The following SGCG variants were observed in gnomAD, a reference collection of about 807,000 sequenced individuals.
SGCG encodes the protein sarcoglycan gamma.
Under a neutral mutation model 29.3 loss-of-function variants are expected in SGCG, and 26 were observed. The ratio of observed to expected loss-of-function variants is 0.89; its 90% CI spans 0.65 to 1.23. The LOEUF is 1.23. Among genes scored for constraint, SGCG ranks in the 50% most tolerant of loss-of-function variants. The pLI is 0.00. For synonymous variants in SGCG, 145 were observed against 129.7 expected, an observed-to-expected ratio of 1.12 and a Z score of -0.80; for missense variants, 353 against 356.0, an observed-to-expected ratio of 0.99 and a Z score of 0.07.
chr13:23,224,636 C>A (rs1023556012), intron 2 of SGCG, among the ~76,000 whole-genome samples: 1 of 139,758 alleles, frequency 7.2e-6, no homozygotes, highest in Non-Finnish European at 1.6e-5. Flanking sequence ...CCCACCAACC[C>A]CAAATTCCAA....
At chr13:23,239,295 T>C (rs1190570490) in intron 3 of SGCG, among the ~76,000 whole-genome samples, 1 of 152,040 alleles carries the variant, frequency 6.6e-6, no homozygotes, top group Non-Finnish European at 1.5e-5. Context: ...GTCAGTAACA[T>C]TTAAAGCCAG....
At chr13:23,161,873 A>G in the SGCG span, among the ~76,000 whole-genome samples, 1 of 152,376 alleles carries the variant, frequency 6.6e-6, no homozygotes, top group South Asian at 2.1e-4. Context: ...CACAATATTT[A>G]GTGGATGTTA....
the SGCG span, among the ~76,000 whole-genome samples, chr13:23,167,456 A>G: frequency 6.6e-6 from 1 of 152,134 alleles, no homozygotes; most frequent in African/African-American, 2.4e-5. Flanking sequence ...TAGTAGCTCT[A>G]TTTTTAGTCT....
chr13:23,315,564 A>G (rs1882774344), intron 6 of SGCG, among the ~76,000 whole-genome samples: 2 of 144,936 alleles, frequency 1.4e-5, no homozygotes, highest in South Asian at 4.3e-4. Context: ...TATGATATGC[A>G]GGCACCACCC....
chr13:23,219,970 G>A (rs1456930323), intron 2 of SGCG, among the ~76,000 whole-genome samples: 1 of 150,710 alleles, frequency 6.6e-6, no homozygotes, highest in African/African-American at 2.4e-5. Flanking sequence ...CAAGTAGTGG[G>A]ACTGCAAGGT....
chr13:23,245,837 C>T (rs1243248762), intron 3 of SGCG: 1 of 152,218 alleles, frequency 6.6e-6, no homozygotes, highest in African/African-American at 2.4e-5. Context: ...GAGCGCCCCT[C>T]TTTAGGGTGT....
chr13:23,183,816 T>TA (rs1876849222), intron 1 of SGCG, among the ~76,000 whole-genome samples: 2 of 152,014 alleles, frequency 1.3e-5, no homozygotes, highest in African/African-American at 2.4e-5. Context: ...TACAGGCATA[T>TA]GCCACCATGC....
chr13:23,244,923 G>C (rs543764051), intron 3 of SGCG: 1 of 152,358 alleles, frequency 6.6e-6, no homozygotes, highest in Admixed American at 6.5e-5. Context: ...CACTGGAGTG[G>C]CACTTAGGTA....
intron 6 of SGCG, among the ~76,000 whole-genome samples, chr13:23,301,134 T>C (rs1435931663): frequency 1.3e-5 from 2 of 151,988 alleles, no homozygotes; most frequent in Non-Finnish European, 2.9e-5. Flanking sequence ...GGAATTGAAC[T>C]ACCATGGAGA....
At chr13:23,167,922 G>A in the SGCG span, among the ~76,000 whole-genome samples, 19 of 151,984 alleles carry the variant, frequency 1.3e-4, no homozygotes, top group Admixed American at 2.0e-4. Context: ...TAGTAGAGAC[G>A]AGGTTTCACC....
At chr13:23,212,550 T>C (rs1277262974) in intron 2 of SGCG, among the ~76,000 whole-genome samples, 1 of 152,222 alleles carries the variant, frequency 6.6e-6, no homozygotes, top group East Asian at 1.9e-4. Flanking sequence ...TGTTGTTATA[T>C]GATTTTAGCA....
At chr13:23,321,120 C>T (rs1883025754) in intron 7 of SGCG, among the ~76,000 whole-genome samples, 1 of 152,060 alleles carries the variant, frequency 6.6e-6, no homozygotes, top group South Asian at 2.1e-4. Context: ...AGGAGTCACC[C>T]ACTAACAACC....
At chr13:23,293,898 A>G (rs1019983649) in intron 5 of SGCG, among the ~76,000 whole-genome samples, 1 of 152,076 alleles carries the variant, frequency 6.6e-6, no homozygotes, top group East Asian at 1.9e-4. Context: ...GGATTTCTCA[A>G]CACAGAGGCT....
At position 23,324,546 on chromosome 13, in the gene SGCG, C is replaced by T. The variant is rs975086956; in HGVS notation, c.*5C>T. 2.5e-6 allele frequency: 4 copies of T among 1,608,988 alleles called. No individual in the cohort carries two copies. The highest frequency in any genetic ancestry group is 2.5e-6 in the Non-Finnish European group (3 of 1,179,606). ...CACAACCACATCTGCCTCTGAGCTG[C>T]CTGCGTCCTCTCGGTGAGCTGTGCA... On this transcript the variant is annotated 3_prime_UTR_variant, in exon 8 of 8. Transcript: ENST00000218867.
At chr13:23,293,089 A>G (rs1881779216) in intron 5 of SGCG, among the ~76,000 whole-genome samples, 1 of 152,208 alleles carries the variant, frequency 6.6e-6, no homozygotes, top group African/African-American at 2.4e-5. Context: ...GGCAACATTT[A>G]TTGTGGAAAC....
Position 23,312,662 on chromosome 13 carries a change from C to T in SGCG, c.579-7975C>T, listed in dbSNP as rs142179723. ...CTTAATGGGTACAGTGCATGCCATT[C>T]GGGCAATGGTTAACTGAAAGCCCAG... On this transcript the variant is annotated intron_variant, in intron 6 of 7. Transcript: ENST00000218867. 3.8e-3 allele frequency among the ~76,000 whole-genome samples: 575 copies of T among 152,178 alleles called. 8 individuals carry two copies. The highest frequency in any genetic ancestry group is 0.013 in the African/African-American group (554 of 41,524).
chr13:23,209,891 C>T (rs967814075), intron 2 of SGCG, among the ~76,000 whole-genome samples: 4 of 152,128 alleles, frequency 2.6e-5, no homozygotes, highest in African/African-American at 7.2e-5. Flanking sequence ...AAATTTGTTA[C>T]ACAGAAATAG....
At chr13:23,190,401 A>G (rs79152442) in intron 1 of SGCG, among the ~76,000 whole-genome samples, 8,629 of 152,246 alleles carry the variant, frequency 0.057, 838 homozygotes, top group African/African-American at 0.2. Context: ...CATAAATTTT[A>G]TACATGCTAT....
chr13:23,319,932 G>GA (rs1203238267), intron 6 of SGCG, among the ~76,000 whole-genome samples: 1 of 152,164 alleles, frequency 6.6e-6, no homozygotes, highest in Admixed American at 6.5e-5. Context: ...AGGAAAGTCT[G>GA]ATAAATTTTA....
Sources: gnomAD v4.1 joint callset for allele counts (sites outside exome capture counted in the v4.1 genomes callset) on GRCh38, gnomAD v4.1.1 for gene constraint, MANE v1.5 for transcripts, NCBI Gene and HGNC (gene_info 2026-07-23, HGNC 2026-07-21) for gene names.